Variants in PTDSS2 observed in about 807,000 individuals in gnomAD.
The protein encoded by PTDSS2 is PSS-2.
Under a neutral mutation model 64.7 loss-of-function variants are expected in PTDSS2, and 41 were observed. The observed-to-expected ratio is 0.63, with a 90% CI of 0.49 to 0.82. PTDSS2 has a LOEUF of 0.82. Ranked by LOEUF, PTDSS2 falls within the 40% of genes least tolerant of loss-of-function variation. The probability of loss-of-function intolerance (pLI) is 0.00; values close to 1 mark genes in which losing one functional copy is unlikely to be tolerated. For synonymous variants in PTDSS2, 297 were observed against 277.8 expected, an observed-to-expected ratio of 1.07 and a Z score of -0.69; for missense variants, 485 against 650.0, an observed-to-expected ratio of 0.75 and a Z score of 2.76.
At chr11:459,116 G>C (rs1336596427) in intron 1 of PTDSS2, 2 of 135,196 alleles carry the variant, frequency 1.5e-5, no homozygotes, top group Non-Finnish European at 3.1e-5. Flanking sequence ...GTGGATGTCG[G>C]ACCTGGGTTA....
Position 476,333 on chromosome 11 carries a change from C to T in PTDSS2, c.367+2356C>T, listed in dbSNP as rs1430573676. The stretch of plus-strand genomic sequence containing the variant: ...CACAGTGAAAAGCCTGGCGCCGTGA[C>T]GGTGAGAAACTGCCCGTCACACAGT... On this transcript the variant is annotated intron_variant, in intron 3 of 11. Coordinates refer to ENST00000308020, the MANE Select transcript of PTDSS2 (RefSeq NM_030783.3). This position sits in a 1 kb window ranked among gnomAD's most constrained non-coding sequence, Gnocchi z 4.9. Among the ~76,000 whole-genome samples the T allele has an allele frequency of 6.6e-6, 1 of 151,922 alleles. No homozygotes were observed. The highest frequency in any genetic ancestry group is 1.5e-5 in the Non-Finnish European group (1 of 67,972).
At chr11:450,851 A>AG (rs1160879978) in intron 1 of PTDSS2, among the ~76,000 whole-genome samples, 1 of 152,056 alleles carries the variant, frequency 6.6e-6, no homozygotes. Flanking sequence ...GCGGCGCTGT[A>AG]GGTGGGGGAG....
chr11:452,126 C>T (rs959000300), intron 1 of PTDSS2, among the ~76,000 whole-genome samples: 1 of 151,992 alleles, frequency 6.6e-6, no homozygotes, highest in Non-Finnish European at 1.5e-5. Flanking sequence ...ACCAGACGGG[C>T]TCCTCTGACA....
At position 489,736 on chromosome 11, in the gene PTDSS2, G is replaced by C. The variant is rs750287018; in HGVS notation, c.1115+3G>C. On this transcript the variant is annotated splice_donor_region_variant and intron_variant, in intron 10 of 11. Transcript: ENST00000308020. ...ATCTACGACTTCATGGATGACCCGTGAGGGCTGCGGCAGTCCGGGTGGAGA... is the reference window on the plus strand; with the variant it reads ...ATCTACGACTTCATGGATGACCCGTCAGGGCTGCGGCAGTCCGGGTGGAGA... The C allele has an allele frequency of 8.7e-6, 14 of 1,608,048 alleles. No homozygotes were observed. The highest frequency in any genetic ancestry group is 1.2e-5 in the Non-Finnish European group (14 of 1,177,530).
chr11:487,359 C>A (rs1463967434), intron 5 of PTDSS2, 61 bp from the exon 6 acceptor site: 3 of 1,462,808 alleles, frequency 2.1e-6, no homozygotes, highest in African/African-American at 2.8e-5. Context: ...GCTGATCTGC[C>A]GGTGTGGGGA....
At chr11:453,345 C>T (rs956864744) in intron 1 of PTDSS2, among the ~76,000 whole-genome samples, 5 of 152,158 alleles carry the variant, frequency 3.3e-5, no homozygotes, top group Non-Finnish European at 7.4e-5. Flanking sequence ...CTTACCCTGG[C>T]GAGGTGCCTG....
chr11:490,080 C>CA lies in PTDSS2; in HGVS notation c.1301+13dup. ...CGCTTCTTCCTGCGGTGAGTCAGGG[C>CA]AGGGCGCGTATGTTCTGAAGGAGGG... On this transcript the variant is annotated intron_variant, in intron 11 of 11. Coordinates refer to ENST00000308020, the MANE Select transcript of PTDSS2 (RefSeq NM_030783.3). 1 of 1,598,512 alleles carries CA rather than the reference C, an allele frequency of 6.3e-7. No individual in the cohort carries two copies. The highest frequency in any genetic ancestry group is 2.2e-5 in the East Asian group (1 of 44,736).
chr11:490,948 CT>C lies in PTDSS2; in HGVS notation c.*367del. On this transcript the variant is annotated 3_prime_UTR_variant, in exon 12 of 12. Transcript: ENST00000308020. ...TGTCCCTCAGGAACCAGGGTCCTCC[CT>C]CCCCTTTCTGCCTGGTCAGCCCCGT... 1 of 254,938 alleles carries C rather than the reference CT, an allele frequency of 3.9e-6. No individual in the cohort carries two copies. Among genetic ancestry groups the C allele is most frequent in the South Asian group, 6.6e-5 (1 of 15,254 alleles). 15.8% of individuals were successfully genotyped at this position (254,938 alleles called of 1,614,324 possible).
chr11:468,484 C>T (rs978492078), intron 2 of PTDSS2, among the ~76,000 whole-genome samples: 1 of 152,194 alleles, frequency 6.6e-6, no homozygotes, highest in African/African-American at 2.4e-5. Flanking sequence ...GGGGTCCCGG[C>T]GGGGAAGGCC....
chr11:482,351 T>C (rs907880113), intron 4 of PTDSS2, among the ~76,000 whole-genome samples: 1 of 152,096 alleles, frequency 6.6e-6, no homozygotes, highest in Non-Finnish European at 1.5e-5. Flanking sequence ...CCCTCCGTAG[T>C]AGCTGGGATT....
At position 450,558 on chromosome 11, in the gene PTDSS2, G is replaced by A; in HGVS notation, c.103G>A (p.Gly35Ser). The change falls in exon 1 of 12, where the codon GGC becomes AGC. Residue 35 changes from glycine (G) to serine (S), a missense_variant. Gly to Ser is a moderately conservative substitution (Grantham distance 56). Transcript: ENST00000308020. Reference protein sequence around the residue: ...LEEPPDGPSAGQATGPGEGRR... With the variant: ...LEEPPDGPSASQATGPGEGRR... Reference sequence around the variant, plus strand: ...GGAGCCGCCTGACGGGCCGTCTGCCGGCCAAGCCACCGGGCCGGGCGAGGG... The same window carrying A: ...GGAGCCGCCTGACGGGCCGTCTGCCAGCCAAGCCACCGGGCCGGGCGAGGG... 1 of 1,242,980 alleles carries A rather than the reference G, an allele frequency of 8.0e-7. No homozygotes were observed. 77.0% of individuals were successfully genotyped at this position (1,242,980 alleles called of 1,614,324 possible). A position where few individuals can be genotyped will look rare whatever the true frequency, so the allele number is the denominator to read the frequency against.
chr11:485,403 ACC>A (rs1848301727), intron 4 of PTDSS2, among the ~76,000 whole-genome samples: 3 of 129,756 alleles, frequency 2.3e-5, no homozygotes, highest in South Asian at 2.6e-4. Flanking sequence ...TGTGCAGGCG[ACC>A]GTAAACAGTG....
At chr11:448,276 G>A (rs1022041489), upstream of PTDSS2, 2 of 152,188 alleles carry the variant, frequency 1.3e-5, no homozygotes, top group East Asian at 3.9e-4. Context: ...GCTTCCTTGG[G>A]GCCAGGGACC....
At chr11:458,893 T>A (rs1846725380) in intron 1 of PTDSS2, 1 of 152,284 alleles carries the variant, frequency 6.6e-6, no homozygotes, top group African/African-American at 2.4e-5. Context: ...TGGAGGCAAG[T>A]CCTGGGCAAC....
At chr11:463,627 G>A (rs1032517500) in intron 2 of PTDSS2, 8 of 146,068 alleles carry the variant, frequency 5.5e-5, no homozygotes, top group South Asian at 2.2e-4. Context: ...GTTCGCTGCA[G>A]GCTCCACCTC....
At chr11:489,044 G>T (rs1219881496) in intron 8 of PTDSS2, among the ~76,000 whole-genome samples, 1 of 152,276 alleles carries the variant, frequency 6.6e-6, no homozygotes, top group Non-Finnish European at 1.5e-5. Context: ...CCTCCTGCCT[G>T]TGGGTGCCCC....
At chr11:490,131 G>T in intron 11 of PTDSS2, 63 bp downstream of exon 11, 1 of 1,502,022 alleles carries the variant, frequency 6.7e-7, no homozygotes, top group East Asian at 2.3e-5. Context: ...CTTGGCACAG[G>T]CACTGTGGGA....
intron 1 of PTDSS2, among the ~76,000 whole-genome samples, chr11:453,073 T>C (rs963038443): frequency 2.0e-5 from 3 of 152,012 alleles, no homozygotes; most frequent in African/African-American, 7.2e-5. Context: ...CTCGGGCCAG[T>C]GACGGCGGCC....
At chr11:456,029 C>T (rs1278367629) in intron 1 of PTDSS2, among the ~76,000 whole-genome samples, 4 of 152,170 alleles carry the variant, frequency 2.6e-5, no homozygotes, top group African/African-American at 7.2e-5. Flanking sequence ...GCGGGCACCA[C>T]GCACACGGCA....
Sources: allele counts gnomAD v4.1 joint callset (sites outside exome capture counted in the v4.1 genomes callset), GRCh38; gene constraint gnomAD v4.1.1; non-coding constraint Gnocchi (gnomAD v3.1); transcripts MANE v1.5; gene names NCBI Gene and HGNC (gene_info 2026-07-23, HGNC 2026-07-21).